The following DENND2A variants were observed in gnomAD, a reference collection of about 807,000 sequenced individuals.
DENND2A encodes the protein DENN domain-containing protein 2A.
A neutral mutation model predicts 105.3 loss-of-function variants in DENND2A; 53 were observed. The ratio of observed to expected loss-of-function variants is 0.50; its 90% CI spans 0.40 to 0.63. DENND2A has a LOEUF of 0.63. Ranked by LOEUF, DENND2A falls within the 30% of genes least tolerant of loss-of-function variation. The pLI is 0.00. For synonymous variants in DENND2A, 522 were observed against 508.4 expected, an observed-to-expected ratio of 1.03 and a Z score of -0.36; for missense variants, 1,138 against 1,279.6, an observed-to-expected ratio of 0.89 and a Z score of 1.69.
intron 8 of DENND2A, among the ~76,000 whole-genome samples, chr7:140,568,030 T>C (rs1387149345): frequency 8.5e-5 from 13 of 152,088 alleles, no homozygotes; most frequent in African/African-American, 2.9e-4. Context: ...AACCTCCGCC[T>C]CCCGGGTTCA....
intron 14 of DENND2A, chr7:140,544,385 G>A: frequency 3.3e-6 from 2 of 598,736 alleles, no homozygotes; most frequent in Non-Finnish European, 5.9e-6. Context: ...AGTAGAGACG[G>A]AGTTTCACCA....
In DENND2A at chr7:140,523,470, G is replaced by A. The variant is rs201080257; in HGVS notation, c.2548-46C>T. The A allele has an allele frequency of 7.7e-4, 1,210 of 1,561,956 alleles. 1 individual carries two copies. The highest frequency in any genetic ancestry group is 1.2e-3 in the African/African-American group (92 of 73,928). On this transcript the variant is annotated intron_variant, in intron 16 of 19. Coordinates refer to ENST00000496613, the MANE Select transcript of DENND2A (RefSeq NM_015689.5). This position sits in a 1 kb window ranked among gnomAD's most constrained non-coding sequence, Gnocchi z 4.5. ...GTGGGCTTATGGGCACGGTGGCTGCGTCTTGGCCATAGGACACACTGGAGC... is the reference window on the plus strand; with the variant it reads ...GTGGGCTTATGGGCACGGTGGCTGCATCTTGGCCATAGGACACACTGGAGC...
rs773670281 is a variant in DENND2A, at chr7:140,569,780, ACT to A, written c.1447-44_1447-43del. The A allele has an allele frequency of 3.6e-6, 5 of 1,396,722 alleles. No homozygotes were observed. The South Asian group carries it at 4.6e-5, about 13-fold the overall frequency. 86.5% of individuals were successfully genotyped at this position (1,396,722 alleles called of 1,614,324 possible). A position where few individuals can be genotyped will look rare whatever the true frequency, so the allele number is the denominator to read the frequency against. ...GAAGAACAGCCAGTGTTAGCAGCCC[ACT>A]CTCTGTGGCAGCTGGGCTTCCCTCA... On this transcript the variant is annotated intron_variant, in intron 6 of 19. Coordinates refer to ENST00000496613, the MANE Select transcript of DENND2A (RefSeq NM_015689.5).
chr7:140,521,881 C>T lies in DENND2A; in HGVS notation c.2885G>A (p.Arg962Gln), dbSNP rs368814564. Residue 962 changes from arginine to glutamine, a missense_variant, in exon 18 of 20, where the codon CGG becomes CAG. Transcript: ENST00000496613. ...TTTGGCATCCTGCCGGCGCAGCTCC[C>T]GCTCCTGGATGAAGCCCCGAAACAT... ...TQMFRGFIQERELRRQDAKGL... is the reference protein window; with the variant it reads ...TQMFRGFIQEQELRRQDAKGL... 4.2e-5 allele frequency: 67 copies of T among 1,613,966 alleles called. No homozygotes were observed. Among genetic ancestry groups the T allele is most frequent in the African/African-American group, 5.3e-5 (4 of 74,952 alleles).
At chr7:140,580,483 C>A (rs1352239044) in intron 5 of DENND2A, among the ~76,000 whole-genome samples, 1 of 152,088 alleles carries the variant, frequency 6.6e-6, no homozygotes, top group Non-Finnish European at 1.5e-5. Context: ...CCATGCCTAT[C>A]TAATTTTTAA....
intron 6 of DENND2A, among the ~76,000 whole-genome samples, chr7:140,569,946 G>A (rs1281888607): frequency 6.6e-6 from 1 of 151,996 alleles, no homozygotes; most frequent in Non-Finnish European, 1.5e-5. Context: ...CCAGACTGGG[G>A]TGCAATGGCG....
intron 1 of DENND2A, among the ~76,000 whole-genome samples, chr7:140,624,351 A>AAAC (rs535121792): frequency 1.6e-5 from 2 of 121,578 alleles, no homozygotes; most frequent in Admixed American, 8.7e-5. Context: ...AGGAAAGGCA[A>AAAC]AACAACAACA....
At position 140,558,139 on chromosome 7, in the gene DENND2A, T is replaced by A; in HGVS notation, c.1959+4A>T. ...CTTGCAGGCTGAAAGCAGAATGTAC[T>A]CACCAGCAGTCTTCGGCAGTAACCG... On this transcript the variant is annotated splice_donor_region_variant and intron_variant, in intron 11 of 19. Transcript: ENST00000496613. 1 of 1,612,814 alleles carries A rather than the reference T, an allele frequency of 6.2e-7. No individual in the cohort carries two copies.
At position 140,623,512 on chromosome 7, in the gene DENND2A, G is replaced by A. The variant is rs563616425; in HGVS notation, c.-248+16992C>T. On this transcript the variant is annotated intron_variant, in intron 1 of 19. Coordinates refer to ENST00000496613, the MANE Select transcript of DENND2A (RefSeq NM_015689.5). ...TGGGAGGCCGAGGCGGGCAGATTACGAGGTCAGGAGTTCGAGACCAGCCTG... is the reference window on the plus strand; with the variant it reads ...TGGGAGGCCGAGGCGGGCAGATTACAAGGTCAGGAGTTCGAGACCAGCCTG... Among the ~76,000 whole-genome samples the A allele has an allele frequency of 1.1e-4, 17 of 151,452 alleles. No homozygotes were observed. The South Asian group carries it at 1.5e-3, about 13-fold the overall frequency.
intron 5 of DENND2A, among the ~76,000 whole-genome samples, chr7:140,580,728 C>T (rs1176540670): frequency 9.9e-5 from 15 of 152,008 alleles, no homozygotes; most frequent in Non-Finnish European, 2.1e-4. Context: ...CCTCCGCCTC[C>T]CAGGTTCAAG....
At chr7:140,620,718 T>C (rs1192327932) in intron 1 of DENND2A, among the ~76,000 whole-genome samples, 1 of 152,126 alleles carries the variant, frequency 6.6e-6, no homozygotes, top group East Asian at 1.9e-4. Context: ...TCCGCACCGG[T>C]TTTGCTTTGC....
chr7:140,614,049 T>C (rs970520117), intron 1 of DENND2A, among the ~76,000 whole-genome samples: 2 of 152,174 alleles, frequency 1.3e-5, no homozygotes, highest in African/African-American at 4.8e-5. Flanking sequence ...TTTTAAACAC[T>C]GAAGTCCTCA....
intron 12 of DENND2A, among the ~76,000 whole-genome samples, chr7:140,550,599 G>T (rs1797092170): frequency 6.6e-6 from 1 of 152,196 alleles, no homozygotes; most frequent in African/African-American, 2.4e-5. Context: ...GGGATTACAG[G>T]TGTGAGCCAC....
chr7:140,606,823 C>T (rs369452568), intron 1 of DENND2A, among the ~76,000 whole-genome samples: 1 of 152,224 alleles, frequency 6.6e-6, no homozygotes, highest in Non-Finnish European at 1.5e-5. Context: ...CAGTTGAAGA[C>T]TCTGGTGCCT....
chr7:140,578,829 A>G (rs898670936), intron 5 of DENND2A, among the ~76,000 whole-genome samples: 1 of 152,196 alleles, frequency 6.6e-6, no homozygotes, highest in African/African-American at 2.4e-5. Flanking sequence ...AGCTGAGATC[A>G]TGCCACTGCA....
At chr7:140,573,747 G>T in intron 6 of DENND2A, 61 bp downstream of exon 6, 2 of 1,562,194 alleles carry the variant, frequency 1.3e-6, no homozygotes, top group Non-Finnish European at 1.7e-6. Context: ...CCCCTCTGCA[G>T]TCTTCTTTCA....
At position 140,527,990 on chromosome 7, in the gene DENND2A, G is replaced by A. The variant is rs778327396; in HGVS notation, c.2328-495C>T. Among the ~76,000 whole-genome samples the A allele has an allele frequency of 3.2e-4, 48 of 151,836 alleles. No individual in the cohort carries two copies. The highest frequency in any genetic ancestry group is 5.4e-4 in the Non-Finnish European group (37 of 67,938). On this transcript the variant is annotated intron_variant, in intron 14 of 19. Transcript: ENST00000496613. The surrounding 1 kb of genome is among the most constrained non-coding windows in gnomAD (Gnocchi z 4.9). ...TGAGTAGCTGGGACTGCAGGCACGC[G>A]CCACCACACCTGGCTAATTTTTGCA...
At chr7:140,560,703 G>A (rs545467565) in intron 9 of DENND2A, among the ~76,000 whole-genome samples, 1 of 152,016 alleles carries the variant, frequency 6.6e-6, no homozygotes, top group East Asian at 1.9e-4. Context: ...AAGCTGAGGT[G>A]GGTGAATCAC....
At chr7:140,578,435 C>A (rs866958562) in intron 5 of DENND2A, among the ~76,000 whole-genome samples, 19 of 152,282 alleles carry the variant, frequency 1.2e-4, no homozygotes, top group Middle Eastern at 3.4e-3. Context: ...TATCCCCATC[C>A]CCCTCACCCA....
Sources: gnomAD v4.1 joint callset for allele counts (sites outside exome capture counted in the v4.1 genomes callset) on GRCh38, gnomAD v4.1.1 for gene constraint, Gnocchi (gnomAD v3.1) non-coding constraint, MANE v1.5 for transcripts, NCBI Gene and HGNC (gene_info 2026-07-23, HGNC 2026-07-21) for gene names.